The following DPP10 variants were observed in gnomAD, a reference collection of about 807,000 sequenced individuals.
The protein encoded by DPP10 is dipeptidyl peptidase like 10, also known as inactive dipeptidyl peptidase 10.
Under a neutral mutation model 120.9 loss-of-function variants are expected in DPP10, and 33 were observed. The ratio of observed to expected loss-of-function variants is 0.27; its 90% CI spans 0.21 to 0.37. The LOEUF (loss-of-function observed/expected upper bound fraction) is 0.37, where lower values mean the gene tolerates loss of function less well. DPP10 is among the 10% of genes least tolerant of loss of function. DPP10 has a pLI of 1.00. For missense variants in DPP10, 816 were observed against 942.8 expected (o/e 0.87, Z 1.76); for synonymous variants, 337 against 326.1 (o/e 1.03, Z -0.36).
chr2:115,450,193 G>C (rs2072991483), intron 3 of DPP10, among the ~76,000 whole-genome samples: 1 of 151,984 alleles, frequency 6.6e-6, no homozygotes, highest in South Asian at 2.1e-4. Flanking sequence ...AGTGTGCTCA[G>C]AGTACTTACA....
At chr2:115,800,893 G>A (rs1217794988) in intron 19 of DPP10, among the ~76,000 whole-genome samples, 2 of 151,842 alleles carry the variant, frequency 1.3e-5, no homozygotes, top group Non-Finnish European at 2.9e-5. Flanking sequence ...TGTTCTTTTG[G>A]CTTAGGATTG....
intron 5 of DPP10, among the ~76,000 whole-genome samples, chr2:115,634,833 T>G (rs1397776944): frequency 6.6e-6 from 1 of 152,178 alleles, no homozygotes; most frequent in Non-Finnish European, 1.5e-5. Flanking sequence ...GTCTACTGAT[T>G]TGCGAAGACT....
chr2:115,153,405 G>A (rs1019396424), intron 1 of DPP10, among the ~76,000 whole-genome samples: 1 of 152,152 alleles, frequency 6.6e-6, no homozygotes, highest in African/African-American at 2.4e-5. Context: ...TAGTGAATAT[G>A]CATTGACTAT....
intron 1 of DPP10, among the ~76,000 whole-genome samples, chr2:114,859,196 C>A (rs1318958370): frequency 2.0e-5 from 3 of 150,694 alleles, no homozygotes; most frequent in African/African-American, 7.3e-5. Flanking sequence ...AACAAACAAA[C>A]AAACAAAAAA....
intron 19 of DPP10, among the ~76,000 whole-genome samples, chr2:115,812,961 ATC>A (rs1686805048): frequency 8.3e-6 from 1 of 119,870 alleles, no homozygotes; most frequent in Admixed American, 1.0e-4. Flanking sequence ...CTGACTGGAT[ATC>A]TTTTTTTTTT....
chr2:115,708,439 A>C (rs1001261601), intron 7 of DPP10, among the ~76,000 whole-genome samples: 4 of 152,020 alleles, frequency 2.6e-5, no homozygotes, highest in African/African-American at 4.8e-5. Flanking sequence ...AGATCATTAT[A>C]TTACAAATTG....
At chr2:114,710,375 A>G (rs1368384266) in intron 1 of DPP10, among the ~76,000 whole-genome samples, 3 of 152,240 alleles carry the variant, frequency 2.0e-5, no homozygotes, top group East Asian at 1.9e-4. Flanking sequence ...GAGGATTACT[A>G]TGATCTTTTT....
chr2:115,630,353 T>C (rs532667308), intron 5 of DPP10, among the ~76,000 whole-genome samples: 41 of 152,132 alleles, frequency 2.7e-4, no homozygotes, highest in African/African-American at 7.7e-4. Context: ...CATCTGCAAA[T>C]AGAGACAGTT....
At chr2:115,229,567 A>G (rs1444453947) in intron 1 of DPP10, among the ~76,000 whole-genome samples, 3 of 152,048 alleles carry the variant, frequency 2.0e-5, no homozygotes, top group African/African-American at 7.2e-5. Flanking sequence ...TTATATACAG[A>G]TCTAGTCTTA....
In DPP10 at chr2:115,762,562, T is replaced by C; in HGVS notation, c.1075-10T>C. On this transcript the variant is annotated splice_polypyrimidine_tract_variant and intron_variant, in intron 11 of 25. Transcript: ENST00000410059. ...TTAGATGCTTCATGGAGTTAATTGT[T>C]TTGTTTCAGAAATATGAGATGACAT... The C allele has an allele frequency of 6.2e-7, 1 of 1,613,596 alleles. No homozygotes were observed. Among genetic ancestry groups the C allele is most frequent in the Non-Finnish European group, 8.5e-7 (1 of 1,179,872 alleles).
chr2:114,796,969 G>T (rs116337642), intron 1 of DPP10, among the ~76,000 whole-genome samples: 2,588 of 152,248 alleles, frequency 0.017, 75 homozygotes, highest in African/African-American at 0.059. Context: ...GGCTTAGGTG[G>T]TTTGATCATA....
chr2:114,763,273 G>A lies in DPP10; in HGVS notation c.60+320435G>A, dbSNP rs117062520. Among the ~76,000 whole-genome samples, 369 of 152,238 alleles carry A rather than the reference G, an allele frequency of 2.4e-3. 8 individuals are homozygous for A. The East Asian group carries it at 0.043, about 18-fold the overall frequency. ...AATCATGAAAGGCCTTTTGTGTCACGCTAAGGGACTTGGATTTCATCCTGA... is the reference window on the plus strand; with the variant it reads ...AATCATGAAAGGCCTTTTGTGTCACACTAAGGGACTTGGATTTCATCCTGA... On this transcript the variant is annotated intron_variant, in intron 1 of 25. Coordinates refer to ENST00000410059, the MANE Select transcript of DPP10 (RefSeq NM_020868.6).
intron 3 of DPP10, among the ~76,000 whole-genome samples, chr2:115,466,701 A>T (rs570548907): frequency 1.3e-5 from 2 of 152,280 alleles, no homozygotes; most frequent in Non-Finnish European, 2.9e-5. Context: ...GGCTTGATAT[A>T]CTGTGATGTA....
chr2:115,498,637 A>C (rs992034740), intron 3 of DPP10, among the ~76,000 whole-genome samples: 1 of 150,834 alleles, frequency 6.6e-6, no homozygotes, highest in African/African-American at 2.4e-5. Context: ...ATTTAAAAAG[A>C]GAACATATTC....
chr2:114,761,628 TGAG>T lies in DPP10; in HGVS notation c.60+318794_60+318796del, dbSNP rs1020177166. Among the ~76,000 whole-genome samples the T allele has an allele frequency of 1.2e-3, 179 of 152,226 alleles. 6 individuals carry two copies. Among genetic ancestry groups the T allele is most frequent in the Admixed American group, 3.9e-3 (60 of 15,282 alleles). ...CTCTGCATATCACCCCCAGGGGACT[TGAG>T]GAGCAGCGGGGAACCAGTGAAAGCG... is the stretch of plus-strand genomic sequence containing the variant. On this transcript the variant is annotated intron_variant, in intron 1 of 25. Transcript: ENST00000410059.
chr2:115,725,713 CA>C (rs1199558726), intron 7 of DPP10, among the ~76,000 whole-genome samples: 4 of 152,160 alleles, frequency 2.6e-5, no homozygotes, highest in Admixed American at 6.5e-5. Flanking sequence ...CTAATAAGAG[CA>C]ATATGTGCTG....
At chr2:114,908,138 G>C (rs1464596165) in intron 1 of DPP10, among the ~76,000 whole-genome samples, 1 of 151,710 alleles carries the variant, frequency 6.6e-6, no homozygotes, top group Non-Finnish European at 1.5e-5. Flanking sequence ...GCTCTCTCAG[G>C]GTTGCTATTT....
chr2:115,776,258 C>T (rs1968610), intron 13 of DPP10, among the ~76,000 whole-genome samples: 4 of 152,056 alleles, frequency 2.6e-5, no homozygotes, highest in African/African-American at 4.8e-5. Context: ...CCCATCAACC[C>T]GTCATCTACA....
At chr2:115,308,150 A>G (rs2061432490) in intron 1 of DPP10, among the ~76,000 whole-genome samples, 1 of 152,108 alleles carries the variant, frequency 6.6e-6, no homozygotes, top group Admixed American at 6.6e-5. Context: ...CTATATGAAT[A>G]TTGACATCAA....
Sources: allele counts gnomAD v4.1 joint callset (sites outside exome capture counted in the v4.1 genomes callset), GRCh38; gene constraint gnomAD v4.1.1; transcripts MANE v1.5; gene names NCBI Gene and HGNC (gene_info 2026-07-23, HGNC 2026-07-21).